CHST9: variants seen among roughly 807,000 people sequenced by gnomAD.
CHST9 encodes the protein GalNAc-4-sulfotransferase 2.
In CHST9, 41 loss-of-function variants were observed where a neutral mutation model predicts 44.4. That is an observed-to-expected ratio of 0.92 (90% confidence interval 0.72 to 1.20). CHST9 has a LOEUF of 1.20. Ranked by LOEUF, CHST9 falls within the 50% of genes most tolerant of loss-of-function variation. The probability of loss-of-function intolerance (pLI) is 0.00; values close to 1 mark genes in which losing one functional copy is unlikely to be tolerated. For synonymous variants in CHST9, 171 were observed against 178.4 expected (o/e 0.96, Z 0.33); for missense variants, 504 against 516.5 (o/e 0.98, Z 0.23).
At chr18:27,001,545 C>T (rs2056953368) in intron 4 of CHST9, among the ~76,000 whole-genome samples, 2 of 152,124 alleles carry the variant, frequency 1.3e-5, no homozygotes, top group African/African-American at 4.8e-5. Context: ...AGGTTCATGG[C>T]TTAACTAGGT....
chr18:26,916,014 T>C lies in CHST9; in HGVS notation c.*245A>G, dbSNP rs1266222059. 2.9e-6 allele frequency: 1 copy of C among 350,402 alleles called. No individual in the cohort carries two copies. The highest frequency in any genetic ancestry group is 2.1e-5 in the African/African-American group (1 of 47,082). The allele number at this position is 350,402 out of a possible 1,614,324, so 21.7% of individuals were successfully genotyped here. ...CTAGGTTATTGCTTCAACAATATAA[T>C]TCATAATGCAAAAGCAGCTCTTTTC... On this transcript the variant is annotated 3_prime_UTR_variant, in exon 6 of 6. Coordinates refer to ENST00000618847, the MANE Select transcript of CHST9 (RefSeq NM_031422.6).
At chr18:27,029,519 C>A (rs898713277) in intron 3 of CHST9, among the ~76,000 whole-genome samples, 4 of 152,098 alleles carry the variant, frequency 2.6e-5, no homozygotes, top group African/African-American at 9.7e-5. Flanking sequence ...AAATGAAGTA[C>A]AGTTGTCTCT....
At chr18:27,176,005 T>G (rs560280124) in intron 1 of CHST9, among the ~76,000 whole-genome samples, 2 of 152,196 alleles carry the variant, frequency 1.3e-5, no homozygotes, top group Non-Finnish European at 2.9e-5. Flanking sequence ...TTTCAAAGTG[T>G]TAACTAAGAG....
chr18:27,169,531 C>T (rs943629557), intron 1 of CHST9, among the ~76,000 whole-genome samples: 2 of 150,302 alleles, frequency 1.3e-5, no homozygotes, highest in African/African-American at 4.9e-5. Context: ...GAATAACAGA[C>T]TTAAAAACTT....
chr18:27,126,807 G>T (rs751090455), intron 2 of CHST9, among the ~76,000 whole-genome samples: 3 of 152,146 alleles, frequency 2.0e-5, no homozygotes, highest in African/African-American at 7.2e-5. Flanking sequence ...CAAGGTCACG[G>T]GATGGGGAGG....
intron 3 of CHST9, among the ~76,000 whole-genome samples, chr18:27,030,309 C>T (rs970637630): frequency 6.6e-6 from 1 of 152,018 alleles, no homozygotes; most frequent in Non-Finnish European, 1.5e-5. Context: ...GTAATTATTG[C>T]CATGATGTGG....
At chr18:27,165,358 T>C (rs181205182) in intron 1 of CHST9, among the ~76,000 whole-genome samples, 32 of 152,250 alleles carry the variant, frequency 2.1e-4, no homozygotes, top group Non-Finnish European at 3.2e-4. Context: ...AACATTTACA[T>C]TGTCATAATA....
At chr18:26,917,875 A>T (rs1231788303) in intron 5 of CHST9, among the ~76,000 whole-genome samples, 5 of 150,286 alleles carry the variant, frequency 3.3e-5, no homozygotes, top group African/African-American at 4.9e-5. Context: ...AAAATCATGT[A>T]TTTTTTTTTT....
In CHST9 at chr18:26,956,471, A is replaced by G. The variant is rs548594906; in HGVS notation, c.203-12105T>C. Among the ~76,000 whole-genome samples, 7 of 148,056 alleles carry G rather than the reference A, an allele frequency of 4.7e-5. No individual in the cohort carries two copies. The East Asian group carries it at 1.2e-3, about 25-fold the overall frequency. ...TATAATTGTGTACATATATACAATT[A>G]TATATATAATATACAATTTTTTATA... On this transcript the variant is annotated intron_variant, in intron 4 of 5. Transcript: ENST00000618847.
chr18:27,058,851 T>C (rs1232664230), intron 2 of CHST9, among the ~76,000 whole-genome samples: 1 of 152,218 alleles, frequency 6.6e-6, no homozygotes, highest in Non-Finnish European at 1.5e-5. Flanking sequence ...ATCATTTTTA[T>C]ATCATTAGGT....
intron 4 of CHST9, among the ~76,000 whole-genome samples, chr18:26,947,691 C>T (rs1277174204): frequency 6.6e-6 from 1 of 152,156 alleles, no homozygotes. Flanking sequence ...ATGAAAACCA[C>T]AATGAGATAA....
chr18:26,921,615 A>G (rs903499015), intron 5 of CHST9, among the ~76,000 whole-genome samples: 3 of 152,164 alleles, frequency 2.0e-5, no homozygotes, highest in African/African-American at 4.8e-5. Context: ...AGGGGTTTGC[A>G]TTACTAAAAT....
intron 2 of CHST9, among the ~76,000 whole-genome samples, chr18:27,119,298 C>G (rs1230039173): frequency 6.6e-6 from 1 of 152,146 alleles, no homozygotes; most frequent in Admixed American, 6.5e-5. Context: ...TTCTACATCA[C>G]TCAGCCACAT....
chr18:27,085,564 AT>A (rs1436245650), intron 2 of CHST9, among the ~76,000 whole-genome samples: 1 of 152,162 alleles, frequency 6.6e-6, no homozygotes, highest in Non-Finnish European at 1.5e-5. Flanking sequence ...CAAAACCACA[AT>A]GAGATGCCAT....
At chr18:27,071,917 A>G (rs1598698386) in intron 2 of CHST9, among the ~76,000 whole-genome samples, 1 of 152,204 alleles carries the variant, frequency 6.6e-6, no homozygotes, top group East Asian at 1.9e-4. Flanking sequence ...TCCTGCTGGT[A>G]TATATCTAAT....
At chr18:27,019,710 A>C (rs895437822) in intron 4 of CHST9, among the ~76,000 whole-genome samples, 6 of 150,844 alleles carry the variant, frequency 4.0e-5, no homozygotes, top group African/African-American at 1.5e-4. Context: ...AAAAAAAAAA[A>C]AGAGAGAAAA....
intron 4 of CHST9, among the ~76,000 whole-genome samples, chr18:26,970,383 T>G (rs531915815): frequency 1.3e-5 from 2 of 152,318 alleles, no homozygotes; most frequent in Admixed American, 1.3e-4. Context: ...GCTGTATGTA[T>G]TGATTCATTT....
At position 26,912,553 on chromosome 18, in the gene CHST9, T is replaced by C. The variant is rs1344786262; in HGVS notation, c.*3706A>G. ...AAGCAAAGAGTTTGGTAGTGGTATT[T>C]GCTGCTTGGCTTCATCCTGGCTTCT... is the stretch of plus-strand genomic sequence containing the variant. On this transcript the variant is annotated 3_prime_UTR_variant, in exon 6 of 6. Transcript: ENST00000618847. 1.3e-5 allele frequency: 2 copies of C among 152,254 alleles called. No individual in the cohort carries two copies. Among genetic ancestry groups the C allele is most frequent in the Admixed American group, 1.3e-4 (2 of 15,274 alleles). 9.4% of individuals were successfully genotyped at this position (152,254 alleles called of 1,614,324 possible).
chr18:26,953,383 T>C (rs145772476), intron 4 of CHST9, among the ~76,000 whole-genome samples: 403 of 152,274 alleles, frequency 2.6e-3, no homozygotes, highest in African/African-American at 9.2e-3. Flanking sequence ...TTGCTTTATG[T>C]TTAAAGCGAT....
Sources: allele counts gnomAD v4.1 joint callset (sites outside exome capture counted in the v4.1 genomes callset), GRCh38; gene constraint gnomAD v4.1.1; transcripts MANE v1.5; gene names NCBI Gene and HGNC (gene_info 2026-07-23, HGNC 2026-07-21).